Variants in RYR2 observed in about 807,000 individuals in gnomAD.
The protein encoded by RYR2 is cardiac muscle ryanodine receptor-calcium release channel.
In RYR2, 227 loss-of-function variants were observed where a neutral mutation model predicts 601.1. That is an observed-to-expected ratio of 0.38 (90% CI 0.34 to 0.42). The LOEUF is 0.42. Ranked by LOEUF, RYR2 falls within the 10% of genes least tolerant of loss-of-function variation. The pLI, the probability that RYR2 is intolerant of heterozygous loss-of-function variation, is 1.00. For synonymous variants in RYR2, 2,223 were observed against 2,175.1 expected (o/e 1.02, Z -0.61); for missense variants, 4,646 against 6,156.5 (o/e 0.75, Z 8.21).
chr1:237,794,762 T>C (rs975518060), intron 95 of RYR2, among the ~76,000 whole-genome samples: 1 of 152,238 alleles, frequency 6.6e-6, no homozygotes, highest in Non-Finnish European at 1.5e-5. Context: ...TCCTAAATGC[T>C]AAATGTTTTG....
At chr1:237,097,346 ACT>A (rs1159778557) in intron 1 of RYR2, among the ~76,000 whole-genome samples, 63 of 152,034 alleles carry the variant, frequency 4.1e-4, no homozygotes, top group African/African-American at 1.4e-3. Flanking sequence ...GATCCAGGAG[ACT>A]CTCTCCTGTT....
intron 12 of RYR2, among the ~76,000 whole-genome samples, chr1:237,426,993 A>G (rs2150076290): frequency 6.6e-6 from 1 of 152,312 alleles, no homozygotes; most frequent in East Asian, 1.9e-4. Context: ...CTATGAAACA[A>G]ACATCAAAGA....
intron 43 of RYR2, 124 bp downstream of exon 43, chr1:237,633,834 T>G: frequency 1.0e-6 from 1 of 964,940 alleles, no homozygotes; most frequent in Non-Finnish European, 1.5e-6. Context: ...AGAAGACAGA[T>G]AGTTGGCCAA....
intron 39 of RYR2, among the ~76,000 whole-genome samples, chr1:237,624,721 G>C (rs780406135): frequency 6.6e-6 from 1 of 152,112 alleles, no homozygotes; most frequent in Non-Finnish European, 1.5e-5. Flanking sequence ...TTTAAAAATG[G>C]AATTGATTAG....
intron 1 of RYR2, among the ~76,000 whole-genome samples, chr1:237,138,085 G>A (rs894641631): frequency 3.9e-5 from 6 of 152,130 alleles, no homozygotes; most frequent in Non-Finnish European, 8.8e-5. Flanking sequence ...AGGATGGAGT[G>A]CAGTGGCACA....
intron 3 of RYR2, among the ~76,000 whole-genome samples, chr1:237,346,251 C>T (rs1259171185): frequency 1.3e-5 from 2 of 151,586 alleles, no homozygotes; most frequent in Admixed American, 1.3e-4. Context: ...CCTGTAGTCC[C>T]AGCTACCTGG....
intron 1 of RYR2, chr1:237,267,568 T>C: frequency 3.6e-6 from 1 of 280,804 alleles, no homozygotes; most frequent in Non-Finnish European, 7.4e-6. Flanking sequence ...CTCGTATATT[T>C]CTTAGGATCC....
chr1:237,173,654 T>C (rs1049965659), intron 1 of RYR2, among the ~76,000 whole-genome samples: 2 of 152,206 alleles, frequency 1.3e-5, no homozygotes, highest in Non-Finnish European at 2.9e-5. Context: ...ACACCGCAAA[T>C]ACCTGTCTAT....
chr1:237,795,291 C>A lies in RYR2; in HGVS notation c.13916C>A (p.Ser4639Ter). 3 of 1,366,482 alleles carry A rather than the reference C, an allele frequency of 2.2e-6. No individual in the cohort carries two copies. The South Asian group carries it at 4.1e-5, about 18-fold the overall frequency. The allele number at this position is 1,366,482 out of a possible 1,614,324, so 84.6% of individuals were successfully genotyped here. A position where few individuals can be genotyped will look rare whatever the true frequency, so the allele number is the denominator to read the frequency against. ...QWDRLVINTQ[S>*]FPNNYWDKFV... ...TTCTATGCTTTTGTATATTTTAGGT[C>A]ATTTCCCAACAACTACTGGGACAAA... The change falls in exon 96 of 105, where the codon TCA becomes TAA. Residue 4639 changes from serine to a stop codon, truncating the protein, a stop_gained and splice_region_variant. Transcript: ENST00000366574. LOFTEE classifies it high-confidence loss of function.
chr1:237,613,912 A>C, intron 36 of RYR2, 127 bp from the exon 37 acceptor site: 1 of 800,708 alleles, frequency 1.2e-6, no homozygotes, highest in Non-Finnish European at 2.0e-6. Context: ...AGGGATGTTC[A>C]ACCTGCAGTG....
chr1:237,051,340 CCCTCTCGTCTTCTCT>C (rs1473065810), intron 1 of RYR2, among the ~76,000 whole-genome samples: 1 of 148,590 alleles, frequency 6.7e-6, no homozygotes, highest in Non-Finnish European at 1.5e-5. Flanking sequence ...CCCTCCCCTC[CCCTCTCGTCTTCTCT>C]CCTCTTCTCT....
chr1:237,469,500 T>G (rs1660476843), intron 17 of RYR2, among the ~76,000 whole-genome samples: 1 of 152,232 alleles, frequency 6.6e-6, no homozygotes, highest in Admixed American at 6.5e-5. Context: ...TGTTAAGTAT[T>G]TTTATTTCTT....
chr1:237,697,334 A>G (rs890416745), intron 63 of RYR2, among the ~76,000 whole-genome samples: 95 of 143,550 alleles, frequency 6.6e-4, no homozygotes, highest in African/African-American at 2.4e-3. Context: ...GTGTGTGTAT[A>G]TATATATAGT....
intron 80 of RYR2, among the ~76,000 whole-genome samples, chr1:237,753,937 T>A (rs6666952): frequency 0.038 from 5,750 of 151,256 alleles, 363 homozygotes; most frequent in African/African-American, 0.13. Context: ...TTTTTTTTTT[T>A]AATTTATAAT....
intron 29 of RYR2, among the ~76,000 whole-genome samples, chr1:237,580,172 T>TTTTTTTTTA (rs1673742907): frequency 5.4e-5 from 8 of 149,180 alleles, no homozygotes; most frequent in Non-Finnish European, 7.4e-5. Context: ...TTTTTTTTTT[T>TTTTTTTTTA]GAGACGGAGT....
intron 24 of RYR2, among the ~76,000 whole-genome samples, chr1:237,521,249 A>T (rs2805430): frequency 6.6e-6 from 1 of 151,716 alleles, no homozygotes; most frequent in Non-Finnish European, 1.5e-5. Context: ...GGCACAACAA[A>T]AAAGAAAACT....
At chr1:237,760,726 T>C (rs1693354248) in intron 83 of RYR2, among the ~76,000 whole-genome samples, 1 of 152,202 alleles carries the variant, frequency 6.6e-6, no homozygotes, top group Non-Finnish European at 1.5e-5. Flanking sequence ...AACCTAAGAA[T>C]GCTTTCATGT....
chr1:237,344,810 T>C (rs577098665), intron 3 of RYR2, among the ~76,000 whole-genome samples: 2 of 152,226 alleles, frequency 1.3e-5, no homozygotes, highest in South Asian at 4.1e-4. Context: ...CTTTTTTATT[T>C]ATTTATTTAT....
chr1:237,761,307 C>T (rs137859088), intron 84 of RYR2, among the ~76,000 whole-genome samples: 4 of 152,200 alleles, frequency 2.6e-5, no homozygotes, highest in Admixed American at 1.3e-4. Flanking sequence ...GGATCAAGAT[C>T]CTTTATTAGA....
Sources: gnomAD v4.1 joint callset for allele counts (sites outside exome capture counted in the v4.1 genomes callset) on GRCh38, gnomAD v4.1.1 for gene constraint, MANE v1.5 for transcripts, NCBI Gene and HGNC (gene_info 2026-07-23, HGNC 2026-07-21) for gene names.